Variants in C3orf20 observed in about 807,000 individuals in gnomAD.
C3orf20 encodes the protein uncharacterized protein C3orf20.
C3orf20 carries 76 observed loss-of-function variants against 88.3 expected under a neutral mutation model. The observed-to-expected ratio is 0.86, with a 90% CI of 0.72 to 1.04. The LOEUF (loss-of-function observed/expected upper bound fraction) is 1.04, where lower values mean the gene tolerates loss of function less well. C3orf20 is among the 50% of genes least tolerant of loss of function. The pLI, the probability that C3orf20 is intolerant of heterozygous loss-of-function variation, is 0.00. For missense variants in C3orf20, 1,056 were observed against 1,123.3 expected (o/e 0.94, Z 0.86); for synonymous variants, 436 against 437.4 (o/e 1.00, Z 0.04).
At chr3:14,769,177 C>T (rs566626633) in intron 15 of C3orf20, among the ~76,000 whole-genome samples, 3 of 152,120 alleles carry the variant, frequency 2.0e-5, no homozygotes, top group South Asian at 2.1e-4. Flanking sequence ...ATAATAAGCA[C>T]GGAGGCAGAG....
At chr3:14,688,529 C>CAAAA (rs35979290) in intron 4 of C3orf20, among the ~76,000 whole-genome samples, 1 of 105,830 alleles carries the variant, frequency 9.4e-6, no homozygotes, top group Non-Finnish European at 1.8e-5. Context: ...GAGACTGTCT[C>CAAAA]AAAAAAAAAA....
chr3:14,717,970 C>A (rs919980794), intron 9 of C3orf20, among the ~76,000 whole-genome samples: 3 of 152,022 alleles, frequency 2.0e-5, no homozygotes, highest in African/African-American at 7.2e-5. Flanking sequence ...GCAAGATTTT[C>A]TCTTTTCTTT....
chr3:14,748,928 T>C (rs151191534), intron 12 of C3orf20, among the ~76,000 whole-genome samples: 154 of 152,322 alleles, frequency 1.0e-3, no homozygotes, highest in African/African-American at 3.5e-3. Flanking sequence ...TGTTTTGCGG[T>C]GCTTGGATCA....
intron 15 of C3orf20, 64 bp downstream of exon 15, chr3:14,761,679 CTT>C (rs960506908): frequency 1.8e-5 from 25 of 1,396,024 alleles, no homozygotes; most frequent in Non-Finnish European, 2.4e-5. Flanking sequence ...AGAAAGGAGA[CTT>C]GGGCTGTGAA....
At chr3:14,720,489 C>T (rs562672860) in intron 9 of C3orf20, among the ~76,000 whole-genome samples, 35 of 152,256 alleles carry the variant, frequency 2.3e-4, no homozygotes, top group African/African-American at 8.4e-4. Context: ...CCTGGGCAAG[C>T]AACTGGAATA....
chr3:14,719,552 A>G (rs1473077399), intron 9 of C3orf20, among the ~76,000 whole-genome samples: 1 of 152,186 alleles, frequency 6.6e-6, no homozygotes, highest in Non-Finnish European at 1.5e-5. Flanking sequence ...TTCAGTGGCC[A>G]TATCTCTCTG....
chr3:14,719,132 T>TG (rs1378451866), intron 9 of C3orf20, among the ~76,000 whole-genome samples: 1 of 151,838 alleles, frequency 6.6e-6, no homozygotes, highest in Admixed American at 6.6e-5. Flanking sequence ...ATTGTTTTTT[T>TG]TTTTTTTTTT....
intron 15 of C3orf20, among the ~76,000 whole-genome samples, chr3:14,771,330 C>T (rs6762674): frequency 0.013 from 2,022 of 152,342 alleles, 44 homozygotes; most frequent in African/African-American, 0.046. Flanking sequence ...AATAGCTGCT[C>T]GAACAGCCTA....
intron 5 of C3orf20, among the ~76,000 whole-genome samples, chr3:14,695,741 T>C (rs1454742462): frequency 1.3e-5 from 2 of 152,218 alleles, no homozygotes; most frequent in Non-Finnish European, 1.5e-5. Flanking sequence ...TATTATATAG[T>C]GACCTTCCTT....
At chr3:14,704,230 CAG>C (rs1220015948) in intron 6 of C3orf20, 105 bp from the exon 7 acceptor site, 2 of 1,169,666 alleles carry the variant, frequency 1.7e-6, no homozygotes, top group Non-Finnish European at 2.4e-6. Context: ...ACTTTGGGGA[CAG>C]GGGAATGGGA....
chr3:14,770,781 A>G (rs1248897821), intron 15 of C3orf20, among the ~76,000 whole-genome samples: 2 of 152,170 alleles, frequency 1.3e-5, no homozygotes, highest in Non-Finnish European at 2.9e-5. Context: ...TTGACTTACT[A>G]TGTGCCCGTG....
chr3:14,709,434 G>C (rs971613765), intron 7 of C3orf20, among the ~76,000 whole-genome samples: 30 of 152,090 alleles, frequency 2.0e-4, no homozygotes, highest in Non-Finnish European at 1.5e-5. Flanking sequence ...AGGCCTCCTT[G>C]TCTTGTTCTT....
Position 14,707,977 on chromosome 3 carries a change from G to A in C3orf20, c.1160+3359G>A, listed in dbSNP as rs182135744. On this transcript the variant is annotated intron_variant, in intron 7 of 16. Coordinates refer to ENST00000253697, the MANE Select transcript of C3orf20 (RefSeq NM_032137.5). Reference sequence around the variant, plus strand: ...TGGGATTACAGGTATGCACCACCACGCTGACTAATTTTGTATTTTTAGTAG... The same window carrying A: ...TGGGATTACAGGTATGCACCACCACACTGACTAATTTTGTATTTTTAGTAG... 3.7e-4 allele frequency among the ~76,000 whole-genome samples: 56 copies of A among 151,800 alleles called. 1 individual carries two copies. The highest frequency in any genetic ancestry group is 3.4e-3 in the Middle Eastern group (1 of 290).
intron 5 of C3orf20, among the ~76,000 whole-genome samples, chr3:14,692,745 AT>A (rs1447398731): frequency 1.3e-5 from 2 of 151,900 alleles, no homozygotes; most frequent in Admixed American, 6.6e-5. Context: ...ATGTGATCTG[AT>A]TTGTCCATTT....
At chr3:14,738,558 C>G (rs1253612050) in intron 12 of C3orf20, among the ~76,000 whole-genome samples, 2 of 151,164 alleles carry the variant, frequency 1.3e-5, no homozygotes, top group Non-Finnish European at 2.9e-5. Flanking sequence ...GTCTCGATCT[C>G]CTGACCTCGT....
chr3:14,708,217 A>G (rs1210640373), intron 7 of C3orf20, among the ~76,000 whole-genome samples: 2 of 152,182 alleles, frequency 1.3e-5, no homozygotes, highest in African/African-American at 4.8e-5. Context: ...ATAAGGTTCC[A>G]ATTTCTTTCC....
intron 7 of C3orf20, among the ~76,000 whole-genome samples, chr3:14,707,820 CTTT>C (rs60474912): frequency 1.6e-5 from 2 of 122,152 alleles, no homozygotes; most frequent in African/African-American, 3.2e-5. Flanking sequence ...GTGTTTTCCT[CTTT>C]TTTTTTTTTT....
At chr3:14,698,535 T>C (rs917629642) in intron 5 of C3orf20, among the ~76,000 whole-genome samples, 2 of 152,258 alleles carry the variant, frequency 1.3e-5, no homozygotes, top group South Asian at 4.1e-4. Context: ...AGAGAGGTAC[T>C]GCCTTGGTGA....
intron 5 of C3orf20, among the ~76,000 whole-genome samples, chr3:14,697,411 C>CA (rs1413277713): frequency 6.6e-6 from 1 of 152,002 alleles, no homozygotes; most frequent in Non-Finnish European, 1.5e-5. Context: ...AGGCCGTCTT[C>CA]AAGCTCACTA....
Sources: allele counts gnomAD v4.1 joint callset (sites outside exome capture counted in the v4.1 genomes callset), GRCh38; gene constraint gnomAD v4.1.1; transcripts MANE v1.5; gene names NCBI Gene and HGNC (gene_info 2026-07-23, HGNC 2026-07-21).